The following FAH variants were observed in gnomAD, a reference collection of about 807,000 sequenced individuals.
FAH encodes the protein fumarylacetoacetase.
In FAH, 47 loss-of-function variants were observed where a neutral mutation model predicts 55.8. That is an observed-to-expected ratio of 0.84 (90% CI 0.67 to 1.07). The LOEUF (loss-of-function observed/expected upper bound fraction) is 1.07. Ranked by LOEUF, FAH falls within the 50% of genes least tolerant of loss-of-function variation. FAH has a pLI of 0.00. For missense variants in FAH, 495 were observed against 545.9 expected, an observed-to-expected ratio of 0.91 and a Z score of 0.93; for synonymous variants, 199 against 207.7, an observed-to-expected ratio of 0.96 and a Z score of 0.36.
chr15:80,162,125 G>A, intron 4 of FAH, 121 bp from the exon 5 acceptor site: 1 of 798,648 alleles, frequency 1.3e-6, no homozygotes, highest in Non-Finnish European at 2.2e-6. Context: ...CTGGCTGCAG[G>A]CTGAGCTCTG....
Position 80,180,223 on chromosome 15 carries a change from C to T in FAH, c.1060C>T (p.Pro354Ser), listed in dbSNP as rs768060484. 6 of 1,604,590 alleles carry T rather than the reference C, an allele frequency of 3.7e-6. No homozygotes were observed. In the East Asian group the frequency reaches 1.1e-4, roughly 30 times the overall value. The change falls in exon 12 of 14, where the codon CCG becomes TCG. Residue 354 changes from proline to serine, a missense_variant and splice_region_variant. Transcript: ENST00000561421. ...DLLASGTISG[P>S]EPENFGSMLE... ...CCTGGCTTCTGGGACCATCAGCGGG[C>T]CGGTGAGTATCTGGCTGCACTGAGG...
intron 7 of FAH, among the ~76,000 whole-genome samples, chr15:80,170,675 A>G (rs2041233103): frequency 6.6e-6 from 1 of 152,224 alleles, no homozygotes; most frequent in South Asian, 2.1e-4. Context: ...TCACCTGTTG[A>G]GAGGGAGAGA....
intron 8 of FAH, 143 bp from the exon 9 acceptor site, chr15:80,172,871 G>A: frequency 5.4e-6 from 6 of 1,112,110 alleles, no homozygotes; most frequent in Non-Finnish European, 8.2e-6. Context: ...TTGCCCCTTT[G>A]TCCTGGGGCA....
rs1235860832 is a variant in FAH at position 80,180,194 on chromosome 15, ACCT to A, written c.1035_1037del (p.Leu346del). ...AACGGCTGCAACCTGCGGCCGGGGG[ACCT>A]CCTGGCTTCTGGGACCATCAGCGGG... On this transcript the variant is annotated inframe_deletion, in exon 12 of 14. Transcript: ENST00000561421. 1 of 1,608,654 alleles carries A rather than the reference ACCT, an allele frequency of 6.2e-7. No individual in the cohort carries two copies. Among genetic ancestry groups the A allele is most frequent in the East Asian group, 2.2e-5 (1 of 44,852 alleles).
At chr15:80,157,730 G>A in intron 1 of FAH, 1 of 394,870 alleles carries the variant, frequency 2.5e-6, no homozygotes, top group Non-Finnish European at 4.8e-6. Context: ...ATCACTGGAG[G>A]CATTTATGTA....
chr15:80,176,671 C>T (rs1463753489), intron 10 of FAH, among the ~76,000 whole-genome samples: 1 of 152,228 alleles, frequency 6.6e-6, no homozygotes, highest in Non-Finnish European at 1.5e-5. Context: ...TGGCCTCCTG[C>T]CACCCACAAT....
rs373120801 is a variant in FAH, at chr15:80,158,104, C to T, written c.126C>T (p.Asp42=). 2.5e-6 allele frequency: 4 copies of T among 1,614,060 alleles called. No individual in the cohort carries two copies. In the African/African-American group the frequency reaches 5.3e-5, roughly 22 times the overall value. ...IGVAIGDQIL[D]LSIIKHLFTG... The stretch of plus-strand genomic sequence containing the variant: ...TGGCCATTGGCGACCAGATCCTGGA[C>T]CTCAGCATCATCAAGCACCTCTTTA... Residue 42 remains aspartate, a synonymous_variant, in exon 2 of 14, where the codon GAC becomes GAT. Transcript: ENST00000561421.
intron 11 of FAH, among the ~76,000 whole-genome samples, chr15:80,178,009 G>GGGCAACATA (rs1286669886): frequency 6.6e-6 from 1 of 152,086 alleles, no homozygotes; most frequent in Non-Finnish European, 1.5e-5. Flanking sequence ...AGACCAGCCT[G>GGGCAACATA]GGCAACATAA....
At chr15:80,183,371 A>G (rs1409567760) in intron 13 of FAH, among the ~76,000 whole-genome samples, 1 of 152,264 alleles carries the variant, frequency 6.6e-6, no homozygotes, top group African/African-American at 2.4e-5. Context: ...GCATATTGCT[A>G]GAATTTGGGC....
At chr15:80,181,613 A>G (rs955349185) in intron 13 of FAH, among the ~76,000 whole-genome samples, 1 of 152,132 alleles carries the variant, frequency 6.6e-6, no homozygotes, top group Admixed American at 6.5e-5. Context: ...ATAGAGGGAA[A>G]GGGCACCATA....
chr15:80,172,937 G>C lies in FAH; in HGVS notation c.707-77G>C. 6 of 1,596,278 alleles carry C rather than the reference G, an allele frequency of 3.8e-6. No individual in the cohort carries two copies. In the South Asian group the frequency reaches 6.6e-5, roughly 18 times the overall value. ...GCAGTGCTAGGTGTCTCTGCTCCTTGGTCAAGGGCAGGAGGGGGTCGTTGG... is the reference window on the plus strand; with the variant it reads ...GCAGTGCTAGGTGTCTCTGCTCCTTCGTCAAGGGCAGGAGGGGGTCGTTGG... On this transcript the variant is annotated intron_variant, in intron 8 of 13. Coordinates refer to ENST00000561421, the MANE Select transcript of FAH (RefSeq NM_000137.4).
chr15:80,162,137 A>G lies in FAH; in HGVS notation c.365-109A>G, dbSNP rs114890326. 1.2e-3 allele frequency: 1,025 copies of G among 828,268 alleles called. 12 individuals are homozygous for G. In the African/African-American group the frequency reaches 0.015, roughly 12 times the overall value. 51.3% of individuals were successfully genotyped at this position (828,268 alleles called of 1,614,324 possible). On this transcript the variant is annotated intron_variant, in intron 4 of 13. Transcript: ENST00000561421. ...TTGCTGGCTGCAGGCTGAGCTCTGG[A>G]TGTGTAAACAGTATTGTGTGCACAC...
chr15:80,153,471 C>T (rs1327688211), intron 1 of FAH, among the ~76,000 whole-genome samples: 6 of 152,158 alleles, frequency 3.9e-5, no homozygotes, highest in Admixed American at 3.3e-4. Flanking sequence ...CTGCCTACTC[C>T]GAGGTGGTTG....
At chr15:80,183,605 A>G (rs541751224) in intron 13 of FAH, among the ~76,000 whole-genome samples, 42 of 152,136 alleles carry the variant, frequency 2.8e-4, no homozygotes, top group Non-Finnish European at 5.7e-4. Context: ...AGATGCCTTT[A>G]TGGCTGCCTC....
intron 13 of FAH, among the ~76,000 whole-genome samples, chr15:80,182,624 A>C (rs535013387): frequency 1.3e-5 from 2 of 152,202 alleles, no homozygotes; most frequent in South Asian, 4.1e-4. Context: ...TCCTTATTTC[A>C]TTTTCTACTC....
At chr15:80,167,321 G>C (rs1195908766) in intron 5 of FAH, 3 of 152,574 alleles carry the variant, frequency 2.0e-5, no homozygotes, top group Admixed American at 2.0e-4. Flanking sequence ...GGGGCTGCAG[G>C]CGTTCCTTGT....
intron 9 of FAH, 78 bp downstream of exon 9, chr15:80,173,222 C>A: frequency 6.3e-7 from 1 of 1,585,700 alleles, no homozygotes; most frequent in Non-Finnish European, 8.7e-7. Flanking sequence ...AGTGGACATG[C>A]CAGGCATGCA....
chr15:80,157,444 A>G (rs758946153), intron 1 of FAH: 101 of 163,674 alleles, frequency 6.2e-4, no homozygotes, highest in Non-Finnish European at 9.2e-4. Context: ...AAAGACCAGG[A>G]CTTAACAAAT....
intron 13 of FAH, 61 bp from the exon 14 acceptor site, chr15:80,186,069 A>G: frequency 2.2e-6 from 3 of 1,361,518 alleles, no homozygotes; most frequent in Non-Finnish European, 3.2e-6. Context: ...GCCGCTGCCT[A>G]GGTGTTGGTT....
Sources: gnomAD v4.1 joint callset for allele counts (sites outside exome capture counted in the v4.1 genomes callset) on GRCh38, gnomAD v4.1.1 for gene constraint, MANE v1.5 for transcripts, NCBI Gene and HGNC (gene_info 2026-07-23, HGNC 2026-07-21) for gene names.